VGLL4: variants seen among roughly 807,000 people sequenced by gnomAD.
The protein encoded by VGLL4 is vestigial like family member 4.
Under a neutral mutation model 21.0 loss-of-function variants are expected in VGLL4, and 7 were observed. That is an observed-to-expected ratio of 0.33 (90% confidence interval 0.19 to 0.63). VGLL4 has a LOEUF of 0.63. VGLL4 is among the 20% of genes least tolerant of loss of function. The pLI is 0.78. For synonymous variants in VGLL4, 222 were observed against 173.2 expected (o/e 1.28, Z -2.21); for missense variants, 394 against 425.7 (o/e 0.93, Z 0.66).
At chr3:11,595,843 G>GT (rs1266926989) in intron 2 of VGLL4, among the ~76,000 whole-genome samples, 8 of 24,342 alleles carry the variant, frequency 3.3e-4, no homozygotes, top group Non-Finnish European at 5.5e-4. Context: ...TTGTGGTGTG[G>GT]GGGGGGCGGG....
intron 1 of VGLL4, among the ~76,000 whole-genome samples, chr3:11,706,698 A>G (rs2076765579): frequency 6.6e-6 from 1 of 152,048 alleles, no homozygotes; most frequent in Admixed American, 6.6e-5. Context: ...ACCTTCCTGG[A>G]TCGCACTGTG....
In VGLL4 at chr3:11,565,371, G is replaced by A. The variant is rs2125133786; in HGVS notation, c.273-352C>T. 6.6e-6 allele frequency among the ~76,000 whole-genome samples: 1 copy of A among 152,306 alleles called. No homozygotes were observed. Among genetic ancestry groups the A allele is most frequent in the South Asian group, 2.1e-4 (1 of 4,828 alleles). On this transcript the variant is annotated intron_variant, in intron 2 of 4. Transcript: ENST00000430365. The surrounding 1 kb of genome is among the most constrained non-coding windows in gnomAD (Gnocchi z 4.1). ...CTGGTTCGATAAGGACCTGCCATTTGGACAGGACGGGGACGCTGACAACGA... is the reference window on the plus strand; with the variant it reads ...CTGGTTCGATAAGGACCTGCCATTTAGACAGGACGGGGACGCTGACAACGA...
At chr3:11,702,413 C>G (rs2076693355) in intron 2 of VGLL4, among the ~76,000 whole-genome samples, 1 of 140,784 alleles carries the variant, frequency 7.1e-6, no homozygotes, top group Non-Finnish European at 1.5e-5. Context: ...AGTTTGAGAC[C>G]AGCCTGGCCA....
intron 2 of VGLL4, among the ~76,000 whole-genome samples, chr3:11,681,702 GA>G (rs2076373696): frequency 6.6e-6 from 1 of 152,224 alleles, no homozygotes; most frequent in Non-Finnish European, 1.5e-5. Context: ...TCTTTTTAAT[GA>G]AGGAAGGGGC....
At chr3:11,594,243 C>T (rs1479079979) in intron 2 of VGLL4, among the ~76,000 whole-genome samples, 1 of 152,196 alleles carries the variant, frequency 6.6e-6, no homozygotes, top group Non-Finnish European at 1.5e-5. Context: ...GTTGGTGTCA[C>T]ACACAGCAGG....
intron 2 of VGLL4, among the ~76,000 whole-genome samples, chr3:11,660,201 T>G (rs1166297725): frequency 6.6e-6 from 1 of 152,060 alleles, no homozygotes; most frequent in African/African-American, 2.4e-5. Context: ...CAGCCAGCAG[T>G]TAGCTAGAAG....
intron 2 of VGLL4, among the ~76,000 whole-genome samples, chr3:11,598,269 C>CTCACATCT (rs1279374778): frequency 6.6e-6 from 1 of 151,958 alleles, no homozygotes; most frequent in Non-Finnish European, 1.5e-5. Context: ...TCATGTGATC[C>CTCACATCT]GCCCACCCTG....
chr3:11,691,389 T>C (rs1459262617), intron 2 of VGLL4, among the ~76,000 whole-genome samples: 1 of 152,052 alleles, frequency 6.6e-6, no homozygotes, highest in Non-Finnish European at 1.5e-5. Context: ...CACATTCCTA[T>C]GGGAAATCAT....
At chr3:11,667,998 C>G (rs2076152410) in intron 2 of VGLL4, among the ~76,000 whole-genome samples, 1 of 151,678 alleles carries the variant, frequency 6.6e-6, no homozygotes, top group African/African-American at 2.4e-5. Context: ...GGATTACAGG[C>G]ACACACCACC....
In VGLL4 at chr3:11,565,043, A is replaced by C; in HGVS notation, c.273-24T>G. 6.8e-7 allele frequency: 1 copy of C among 1,466,326 alleles called. No individual in the cohort carries two copies. The highest frequency in any genetic ancestry group is 9.0e-7 in the Non-Finnish European group (1 of 1,110,388). 90.8% of individuals were successfully genotyped at this position (1,466,326 alleles called of 1,614,324 possible). ...TCCTGAAAAAGAGGAATGGGCATTC[A>C]GGGGGCGTTTTCTCAAAGGCAAAGG... On this transcript the variant is annotated intron_variant, in intron 2 of 4. Transcript: ENST00000430365. This position sits in a 1 kb window ranked among gnomAD's most constrained non-coding sequence, Gnocchi z 4.1.
chr3:11,641,720 A>G (rs1002029055), intron 1 of VGLL4, among the ~76,000 whole-genome samples: 3 of 152,172 alleles, frequency 2.0e-5, no homozygotes, highest in African/African-American at 7.2e-5. Context: ...ATAGCTACTC[A>G]ATCTTCAAAA....
chr3:11,622,522 C>G lies in VGLL4; in HGVS notation c.83-20500G>C, dbSNP rs1186630873. On this transcript the variant is annotated intron_variant, in intron 1 of 4. Transcript: ENST00000430365. ...TGACAATGATTGTTAAAACTGCTCCCATGCTAGAATGCTCCTCAATTGTTT... is the reference window on the plus strand; with the variant it reads ...TGACAATGATTGTTAAAACTGCTCCGATGCTAGAATGCTCCTCAATTGTTT... Among the ~76,000 whole-genome samples, 4 of 152,300 alleles carry G rather than the reference C, an allele frequency of 2.6e-5. No individual in the cohort carries two copies. In the East Asian group the frequency reaches 7.7e-4, roughly 29 times the overall value.
At chr3:11,700,530 T>C (rs562792343) in intron 2 of VGLL4, among the ~76,000 whole-genome samples, 8 of 152,190 alleles carry the variant, frequency 5.3e-5, no homozygotes, top group African/African-American at 1.9e-4. Context: ...CACCCCTTTT[T>C]CTCCCTTCAC....
At chr3:11,593,907 G>A (rs1043017074) in intron 2 of VGLL4, among the ~76,000 whole-genome samples, 3 of 152,210 alleles carry the variant, frequency 2.0e-5, no homozygotes, top group Non-Finnish European at 4.4e-5. Context: ...AAACACAGCT[G>A]GATGGAGCAC....
intron 1 of VGLL4, among the ~76,000 whole-genome samples, chr3:11,615,200 A>T (rs2075139082): frequency 6.6e-6 from 1 of 152,140 alleles, no homozygotes; most frequent in African/African-American, 2.4e-5. Flanking sequence ...AACTTCCCGA[A>T]CTGACCTGTC....
intron 2 of VGLL4, among the ~76,000 whole-genome samples, chr3:11,675,234 C>A (rs561197202): frequency 6.6e-6 from 1 of 152,016 alleles, no homozygotes; most frequent in African/African-American, 2.4e-5. Context: ...CCCAGCTACT[C>A]AGGAGGCTGA....
At chr3:11,711,767 T>C (rs1373780434) in intron 1 of VGLL4, among the ~76,000 whole-genome samples, 1 of 152,030 alleles carries the variant, frequency 6.6e-6, no homozygotes, top group Non-Finnish European at 1.5e-5. Context: ...ATCTCCTCTA[T>C]TAAAACACTG....
At chr3:11,652,229 T>C (rs1329052987) in intron 2 of VGLL4, among the ~76,000 whole-genome samples, 1 of 152,234 alleles carries the variant, frequency 6.6e-6, no homozygotes, top group African/African-American at 2.4e-5. Flanking sequence ...AAAATAAACC[T>C]TATTTTATTT....
chr3:11,718,607 T>C (rs1575561042), intron 1 of VGLL4, among the ~76,000 whole-genome samples: 1 of 127,920 alleles, frequency 7.8e-6, no homozygotes, highest in East Asian at 2.0e-4. Flanking sequence ...GGCAAATTAA[T>C]TTTTTTTTTG....
Sources: gnomAD v4.1 joint callset for allele counts (sites outside exome capture counted in the v4.1 genomes callset) on GRCh38, gnomAD v4.1.1 for gene constraint, Gnocchi (gnomAD v3.1) non-coding constraint, MANE v1.5 for transcripts, NCBI Gene and HGNC (gene_info 2026-07-23, HGNC 2026-07-21) for gene names.